Variants in CNTNAP3B observed in about 807,000 individuals in gnomAD.
The protein encoded by CNTNAP3B is contactin associated protein family member 3B.
Under a neutral mutation model 108.9 loss-of-function variants are expected in CNTNAP3B, and 25 were observed. The observed-to-expected ratio is 0.23, with a 90% CI of 0.17 to 0.32. The LOEUF is 0.32. Among genes scored for constraint, CNTNAP3B ranks in the 10% least tolerant of loss-of-function variants. The pLI is 1.00. For missense variants in CNTNAP3B, 252 were observed against 1,210.4 expected, an observed-to-expected ratio of 0.21 and a Z score of 11.75; for synonymous variants, 103 against 473.4, an observed-to-expected ratio of 0.22 and a Z score of 10.16.
At chr9:42,110,940 G>A (rs1475465010) in intron 1 of CNTNAP3B, among the ~76,000 whole-genome samples, 1 of 140,090 alleles carries the variant, frequency 7.1e-6, no homozygotes, top group Non-Finnish European at 1.5e-5. Context: ...CATAAGCAGT[G>A]ATGGTCAATG....
At position 41,973,724 on chromosome 9, in the gene CNTNAP3B, C is replaced by T. The variant is rs1463296392; in HGVS notation, c.1478-3479G>A. Among the ~76,000 whole-genome samples the T allele has an allele frequency of 1.6e-4, 22 of 139,834 alleles. 4 individuals are homozygous for T. The highest frequency in any genetic ancestry group is 1.1e-3 in the Admixed American group (16 of 14,114). The allele number at this position is 139,834 out of a possible 152,430, so 91.7% of individuals were successfully genotyped here. ...GCAGGCTATATGCACAACCTGCAAC[C>T]GTACAGAGTGCTGCTTGAAAAACAC... On this transcript the variant is annotated intron_variant, in intron 9 of 23. Coordinates refer to ENST00000377561, the MANE Select transcript of CNTNAP3B (RefSeq NM_001201380.3).
In CNTNAP3B at chr9:42,022,205, C is replaced by A. The variant is rs1826321955; in HGVS notation, c.391-8680G>T. Among the ~76,000 whole-genome samples, 4 of 103,492 alleles carry A rather than the reference C, an allele frequency of 3.9e-5. No homozygotes were observed. The Admixed American group carries it at 4.0e-4, about 10-fold the overall frequency. 67.9% of individuals were successfully genotyped at this position (103,492 alleles called of 152,430 possible). On this transcript the variant is annotated intron_variant, in intron 3 of 23. Coordinates refer to ENST00000377561, the MANE Select transcript of CNTNAP3B (RefSeq NM_001201380.3). The stretch of plus-strand genomic sequence containing the variant: ...ATCTAAGATTAGCCTTTTGAGATAT[C>A]CAGGTTTTTTGCATGTTTGACTACC...
At chr9:42,014,586 C>T (rs1429305705) in intron 3 of CNTNAP3B, among the ~76,000 whole-genome samples, 4 of 115,628 alleles carry the variant, frequency 3.5e-5, no homozygotes, top group South Asian at 2.8e-4. Context: ...GTCAGGAGAT[C>T]GAGATCATCC....
At chr9:41,942,849 C>T (rs1824401446) in intron 13 of CNTNAP3B, among the ~76,000 whole-genome samples, 1 of 152,040 alleles carries the variant, frequency 6.6e-6, no homozygotes, top group South Asian at 2.1e-4. Flanking sequence ...AACAGTTATG[C>T]AAAGAGCAAA....
chr9:41,932,788 G>A (rs1174616566), intron 14 of CNTNAP3B, among the ~76,000 whole-genome samples: 3 of 152,144 alleles, frequency 2.0e-5, no homozygotes, highest in Non-Finnish European at 4.4e-5. Flanking sequence ...AAAGTGCTGG[G>A]ATAACAGGTG....
In CNTNAP3B at chr9:41,922,187, AG is replaced by A. The variant is rs901971991; in HGVS notation, c.2755+489del. Among the ~76,000 whole-genome samples the A allele has an allele frequency of 3.3e-4, 43 of 132,094 alleles. 2 individuals carry two copies. Among genetic ancestry groups the A allele is most frequent in the African/African-American group, 1.2e-3 (40 of 32,454 alleles). The allele number at this position is 132,094 out of a possible 152,430, so 86.7% of individuals were successfully genotyped here. A position where few individuals can be genotyped will look rare whatever the true frequency, so the allele number is the denominator to read the frequency against. ...TGATACCTAAACACTGAGATACTGC[AG>A]GGCCCGGTGGCTCGCGCCTGTAATC... On this transcript the variant is annotated intron_variant, in intron 17 of 23. Coordinates refer to ENST00000377561, the MANE Select transcript of CNTNAP3B (RefSeq NM_001201380.3).
chr9:42,019,947 TTTAATTAA>T (rs372507177), intron 3 of CNTNAP3B, among the ~76,000 whole-genome samples: 1 of 120,246 alleles, frequency 8.3e-6, no homozygotes, highest in Non-Finnish European at 1.7e-5. Context: ...TATGCATATC[TTTAATTAA>T]TTAAATATAC....
rs1459873600 is a variant in CNTNAP3B at position 42,046,549 on chromosome 9, T to C, written c.390+30320A>G. On this transcript the variant is annotated intron_variant, in intron 3 of 23. Transcript: ENST00000377561. ...TGTTTTTGTTTCTTGGGTCTTGCTC[T>C]AATAAATTCACAAAGGAGTTTGAAA... Among the ~76,000 whole-genome samples the C allele has an allele frequency of 2.8e-4, 34 of 121,732 alleles. 1 individual carries two copies. Among genetic ancestry groups the C allele is most frequent in the Non-Finnish European group, 3.4e-5 (2 of 58,604 alleles). 79.9% of individuals were successfully genotyped at this position (121,732 alleles called of 152,430 possible). A position where few individuals can be genotyped will look rare whatever the true frequency, so the allele number is the denominator to read the frequency against.
intron 2 of CNTNAP3B, among the ~76,000 whole-genome samples, chr9:42,077,344 T>G (rs1211263803): frequency 7.6e-6 from 1 of 132,212 alleles, no homozygotes; most frequent in African/African-American, 3.1e-5. Context: ...CTTTTGGAAC[T>G]AGTGTTATTT....
At chr9:42,078,691 T>C (rs62553561) in intron 2 of CNTNAP3B, among the ~76,000 whole-genome samples, 45,265 of 88,114 alleles carry the variant, frequency 0.51, 9,442 homozygotes, top group East Asian at 0.71. Flanking sequence ...CTGCTATAGA[T>C]CAGGGGCATC....
At chr9:41,916,315 A>G (rs1401168418) in intron 18 of CNTNAP3B, among the ~76,000 whole-genome samples, 1 of 147,122 alleles carries the variant, frequency 6.8e-6, no homozygotes, top group African/African-American at 2.6e-5. Flanking sequence ...ATTCTCTATT[A>G]TAGTTTTATA....
At chr9:42,007,224 TA>T (rs1378705362) in intron 4 of CNTNAP3B, among the ~76,000 whole-genome samples, 1 of 53,160 alleles carries the variant, frequency 1.9e-5, no homozygotes, top group African/African-American at 7.3e-5. Flanking sequence ...ATTTTGTGAT[TA>T]AAAATATATG....
chr9:42,066,423 C>CTT (rs1158361481), intron 3 of CNTNAP3B, among the ~76,000 whole-genome samples: 843 of 53,116 alleles, frequency 0.016, 78 homozygotes, highest in African/African-American at 0.04. Flanking sequence ...GCTGTTGAAT[C>CTT]TTTTTTTTTT....
At chr9:41,944,757 A>T (rs1824473671) in intron 13 of CNTNAP3B, among the ~76,000 whole-genome samples, 1 of 152,290 alleles carries the variant, frequency 6.6e-6, no homozygotes, top group Non-Finnish European at 1.5e-5. Flanking sequence ...ACAAAAGCCA[A>T]AATTGACAAA....
At chr9:42,059,876 C>T (rs1388914281) in intron 3 of CNTNAP3B, among the ~76,000 whole-genome samples, 3 of 128,162 alleles carry the variant, frequency 2.3e-5, no homozygotes, top group Non-Finnish European at 4.9e-5. Flanking sequence ...AAGCATAAGC[C>T]ATCATGCCTG....
intron 17 of CNTNAP3B, among the ~76,000 whole-genome samples, chr9:41,921,743 A>G (rs1823673064): frequency 1.3e-5 from 2 of 152,118 alleles, no homozygotes; most frequent in South Asian, 4.1e-4. Flanking sequence ...GCAAGAACAG[A>G]TGAGCCAGAC....
At chr9:42,089,432 A>T (rs992642061) in intron 2 of CNTNAP3B, among the ~76,000 whole-genome samples, 1 of 133,702 alleles carries the variant, frequency 7.5e-6, no homozygotes, top group Non-Finnish European at 1.6e-5. Context: ...GAATAGTGGA[A>T]ATTCTAAGTA....
chr9:41,946,329 C>A (rs1824535060), intron 13 of CNTNAP3B, among the ~76,000 whole-genome samples: 1 of 103,120 alleles, frequency 9.7e-6, no homozygotes, highest in South Asian at 3.2e-4. Context: ...TACAAATGCA[C>A]AATTCATTAA....
chr9:41,968,696 G>T (rs1200635357), intron 10 of CNTNAP3B, among the ~76,000 whole-genome samples: 1 of 141,880 alleles, frequency 7.0e-6, no homozygotes, highest in African/African-American at 2.7e-5. Context: ...AACCTGTTTA[G>T]CCAGAGAAGA....
Sources: allele counts gnomAD v4.1 joint callset (sites outside exome capture counted in the v4.1 genomes callset), GRCh38; gene constraint gnomAD v4.1.1; transcripts MANE v1.5; gene names NCBI Gene and HGNC (gene_info 2026-07-23, HGNC 2026-07-21).